LTBP1: variants seen among roughly 807,000 people sequenced by gnomAD.
LTBP1 encodes the protein latent transforming growth factor beta binding protein 1.
A neutral mutation model predicts 207.6 loss-of-function variants in LTBP1; 129 were observed. That is an observed-to-expected ratio of 0.62 (90% CI 0.54 to 0.72). LTBP1 has a LOEUF of 0.72. Among genes scored for constraint, LTBP1 ranks in the 30% least tolerant of loss-of-function variants. The pLI is 0.00. For missense variants in LTBP1, 2,281 were observed against 2,217.2 expected (o/e 1.03, Z -0.58); for synonymous variants, 963 against 833.7 (o/e 1.16, Z -2.67).
intron 5 of LTBP1, among the ~76,000 whole-genome samples, chr2:33,183,681 C>T (rs2086894362): frequency 1.3e-5 from 2 of 152,138 alleles, no homozygotes; most frequent in African/African-American, 2.4e-5. Flanking sequence ...ACATTTAAAG[C>T]TGGGCCTAGC....
chr2:33,158,799 C>G (rs941563434), intron 5 of LTBP1, among the ~76,000 whole-genome samples: 6 of 152,218 alleles, frequency 3.9e-5, no homozygotes, highest in African/African-American at 1.4e-4. Context: ...CTCCACTCCT[C>G]TCCCTTTTCC....
At position 32,947,621 on chromosome 2, in the gene LTBP1, A is replaced by ACCGCCG. The variant is rs538338631; in HGVS notation, c.313_318dup (p.Pro105_Pro106dup). On this transcript the variant is annotated inframe_insertion, in exon 1 of 34. Coordinates refer to ENST00000404816, the MANE Select transcript of LTBP1 (RefSeq NM_206943.4). Reference sequence around the variant, plus strand: ...GCGGCGCGGCCCTGCAGGGGCTCAGACCGCCGCCGCCGCCGCCGCCGGAGC... The same window carrying ACCGCCG: ...GCGGCGCGGCCCTGCAGGGGCTCAGACCGCCGCCGCCGCCGCCGCCGCCGCCGGAGC... 1,306 of 1,327,126 alleles carry ACCGCCG rather than the reference A, an allele frequency of 9.8e-4. 2 individuals carry two copies. Among genetic ancestry groups the ACCGCCG allele is most frequent in the Non-Finnish European group, 1.2e-3 (1,222 of 1,042,320 alleles). The allele number at this position is 1,327,126 out of a possible 1,614,324, so 82.2% of individuals were successfully genotyped here. A position where few individuals can be genotyped will look rare whatever the true frequency, so the allele number is the denominator to read the frequency against.
chr2:33,119,164 T>C (rs2150363182), intron 4 of LTBP1, among the ~76,000 whole-genome samples: 1 of 96,272 alleles, frequency 1.0e-5, no homozygotes, highest in East Asian at 2.6e-4. Context: ...GGAGTCAGAC[T>C]GATTTTTTTT....
intron 19 of LTBP1, among the ~76,000 whole-genome samples, chr2:33,281,544 A>C (rs1020478022): frequency 6.6e-6 from 1 of 152,126 alleles, no homozygotes; most frequent in Non-Finnish European, 1.5e-5. Context: ...TAGCCCTGGG[A>C]AGACATTTAG....
At chr2:33,112,733 ATT>A (rs1417774743) in intron 4 of LTBP1, among the ~76,000 whole-genome samples, 1 of 152,180 alleles carries the variant, frequency 6.6e-6, no homozygotes, top group East Asian at 1.9e-4. Context: ...ACAAAAGATG[ATT>A]AAAACTGGAA....
chr2:33,375,788 C>T (rs6736026), intron 31 of LTBP1, among the ~76,000 whole-genome samples: 19,713 of 150,806 alleles, frequency 0.13, 1,501 homozygotes, highest in African/African-American at 0.2. Flanking sequence ...GTGATCTGCC[C>T]GCCTCGGCCT....
intron 2 of LTBP1, among the ~76,000 whole-genome samples, chr2:32,995,519 C>T (rs753301402): frequency 3.9e-5 from 6 of 152,176 alleles, no homozygotes; most frequent in South Asian, 2.1e-4. Flanking sequence ...CGGTGGCTCA[C>T]GCCTGTAATC....
intron 4 of LTBP1, among the ~76,000 whole-genome samples, chr2:33,124,525 T>C (rs1014541820): frequency 2.0e-5 from 3 of 152,238 alleles, no homozygotes; most frequent in Non-Finnish European, 4.4e-5. Context: ...AGGTTGTATG[T>C]GGAAATTATG....
At chr2:33,306,395 C>A (rs1019970273) in intron 22 of LTBP1, among the ~76,000 whole-genome samples, 4 of 151,874 alleles carry the variant, frequency 2.6e-5, no homozygotes, top group African/African-American at 9.7e-5. Flanking sequence ...CATGGTAAAA[C>A]CCCATCTCTA....
At chr2:33,123,918 A>G (rs1045896769) in intron 4 of LTBP1, among the ~76,000 whole-genome samples, 1 of 152,216 alleles carries the variant, frequency 6.6e-6, no homozygotes, top group African/African-American at 2.4e-5. Context: ...ACAGAAATCA[A>G]TCTTATTCAT....
At chr2:33,140,248 G>A (rs546730268) in intron 5 of LTBP1, among the ~76,000 whole-genome samples, 8 of 152,288 alleles carry the variant, frequency 5.3e-5, no homozygotes, top group South Asian at 2.1e-4. Flanking sequence ...ATTTTCTCTC[G>A]TTAAGGCATT....
chr2:32,981,140 G>C (rs781104541), intron 2 of LTBP1, among the ~76,000 whole-genome samples: 5 of 152,210 alleles, frequency 3.3e-5, no homozygotes, highest in Admixed American at 6.5e-5. Flanking sequence ...AAATTTCTCT[G>C]TTATTATTCC....
At chr2:33,149,231 A>AAAAAC (rs1558707339) in intron 5 of LTBP1, among the ~76,000 whole-genome samples, 7 of 134,374 alleles carry the variant, frequency 5.2e-5, no homozygotes, top group Admixed American at 1.5e-4. Context: ...AAAAAAACAA[A>AAAAAC]AAAAAAAAAA....
At chr2:33,168,254 A>T (rs935868609) in intron 5 of LTBP1, among the ~76,000 whole-genome samples, 1 of 152,010 alleles carries the variant, frequency 6.6e-6, no homozygotes, top group Non-Finnish European at 1.5e-5. Context: ...TTAGTGGCAC[A>T]TGCCTGTAGT....
At chr2:32,951,707 A>C (rs932543636) in intron 2 of LTBP1, among the ~76,000 whole-genome samples, 1 of 152,212 alleles carries the variant, frequency 6.6e-6, no homozygotes, top group Non-Finnish European at 1.5e-5. Flanking sequence ...GCAGGTATTA[A>C]GATGAAAAAA....
intron 7 of LTBP1, among the ~76,000 whole-genome samples, chr2:33,204,061 T>C (rs1042666909): frequency 6.6e-6 from 1 of 152,198 alleles, no homozygotes; most frequent in Admixed American, 6.5e-5. Context: ...TCTGGTTTAC[T>C]AAAAAAATCA....
intron 10 of LTBP1, 115 bp from the exon 11 acceptor site, chr2:33,252,562 T>G: frequency 1.3e-5 from 12 of 944,686 alleles, no homozygotes; most frequent in Non-Finnish European, 1.9e-5. Flanking sequence ...TCTAGACAGA[T>G]TTATCCTGAA....
intron 24 of LTBP1, 105 bp downstream of exon 24, chr2:33,315,374 A>G (rs2094254174): frequency 2.1e-6 from 3 of 1,397,214 alleles, no homozygotes; most frequent in Non-Finnish European, 3.0e-6. Flanking sequence ...TGCATAATTC[A>G]GAGCCTCAAA....
chr2:33,081,037 T>C (rs1183159770), intron 3 of LTBP1, among the ~76,000 whole-genome samples: 1 of 152,184 alleles, frequency 6.6e-6, no homozygotes, highest in Non-Finnish European at 1.5e-5. Context: ...CTATATTTTA[T>C]GCTTAGATTA....
Sources: gnomAD v4.1 joint callset for allele counts (sites outside exome capture counted in the v4.1 genomes callset) on GRCh38, gnomAD v4.1.1 for gene constraint, MANE v1.5 for transcripts, NCBI Gene and HGNC (gene_info 2026-07-23, HGNC 2026-07-21) for gene names.